Variants in FHIT observed in about 807,000 individuals in gnomAD.
FHIT encodes fragile histidine triad diadenosine triphosphatase.
A neutral mutation model predicts 17.9 loss-of-function variants in FHIT; 19 were observed. That is an observed-to-expected ratio of 1.06 (90% CI 0.74 to 1.56). The LOEUF (loss-of-function observed/expected upper bound fraction) is 1.56, where lower values mean the gene tolerates loss of function less well. Ranked by LOEUF, FHIT falls within the 40% of genes most tolerant of loss-of-function variation. FHIT has a pLI of 0.00. For missense variants in FHIT, 248 were observed against 189.2 expected (o/e 1.31, Z -1.82); for synonymous variants, 81 against 69.7 (o/e 1.16, Z -0.81).
intron 5 of FHIT, among the ~76,000 whole-genome samples, chr3:60,050,415 A>T (rs1178959496): frequency 1.3e-5 from 2 of 152,176 alleles, no homozygotes; most frequent in Non-Finnish European, 2.9e-5. Flanking sequence ...TTGGATCTTC[A>T]GTCCATCATG....
At chr3:60,028,103 G>A (rs1377619296) in intron 5 of FHIT, among the ~76,000 whole-genome samples, 1 of 152,122 alleles carries the variant, frequency 6.6e-6, no homozygotes, top group Non-Finnish European at 1.5e-5. Flanking sequence ...AAGGAGTGGT[G>A]GAACTGGCAC....
chr3:59,929,015 A>T (rs566685225), intron 7 of FHIT, among the ~76,000 whole-genome samples: 22 of 150,962 alleles, frequency 1.5e-4, no homozygotes, highest in Admixed American at 1.2e-3. Flanking sequence ...AAAAAAAAAA[A>T]AAAAAGGACA....
chr3:59,917,674 G>T (rs527330392), intron 8 of FHIT, among the ~76,000 whole-genome samples: 2 of 152,200 alleles, frequency 1.3e-5, no homozygotes, highest in Non-Finnish European at 2.9e-5. Flanking sequence ...AGCTTCAGCA[G>T]ACAATCTGCT....
chr3:59,752,708 T>A (rs1279046875), intron 8 of FHIT, among the ~76,000 whole-genome samples: 1 of 152,058 alleles, frequency 6.6e-6, no homozygotes, highest in Non-Finnish European at 1.5e-5. Flanking sequence ...GGGGACCTTA[T>A]TGTTTAAAAG....
chr3:59,988,323 C>G (rs1021507451), intron 7 of FHIT, among the ~76,000 whole-genome samples: 11 of 152,116 alleles, frequency 7.2e-5, no homozygotes, highest in African/African-American at 2.7e-4. Flanking sequence ...TCTCGCATCT[C>G]TCTTTGATAT....
chr3:60,257,211 T>C (rs959636914), intron 5 of FHIT, among the ~76,000 whole-genome samples: 1 of 152,186 alleles, frequency 6.6e-6, no homozygotes, highest in African/African-American at 2.4e-5. Context: ...TCTGTATCTG[T>C]CTGAGAGTTA....
At chr3:60,211,873 G>C (rs1034262276) in intron 5 of FHIT, among the ~76,000 whole-genome samples, 11 of 152,102 alleles carry the variant, frequency 7.2e-5, no homozygotes, top group Non-Finnish European at 1.5e-4. Flanking sequence ...TTATTGTCAT[G>C]ACATCTTTTT....
At chr3:60,347,259 G>A (rs959651046) in intron 5 of FHIT, among the ~76,000 whole-genome samples, 2 of 151,892 alleles carry the variant, frequency 1.3e-5, no homozygotes, top group African/African-American at 4.8e-5. Context: ...CTCATTAGCA[G>A]TCCAACCACA....
chr3:60,190,257 A>T (rs1702342935), intron 5 of FHIT, among the ~76,000 whole-genome samples: 1 of 152,112 alleles, frequency 6.6e-6, no homozygotes, highest in Non-Finnish European at 1.5e-5. Context: ...TTTGCTTCAT[A>T]ACAGTCAGAA....
chr3:61,071,326 T>C (rs1281335124), intron 2 of FHIT, among the ~76,000 whole-genome samples: 1 of 152,252 alleles, frequency 6.6e-6, no homozygotes, highest in Non-Finnish European at 1.5e-5. Flanking sequence ...CATACTTGGA[T>C]TGCAATCTGG....
chr3:59,953,568 C>T (rs773111512), intron 7 of FHIT, among the ~76,000 whole-genome samples: 1 of 152,132 alleles, frequency 6.6e-6, no homozygotes, highest in Non-Finnish European at 1.5e-5. Flanking sequence ...CGTTTTTCCC[C>T]AACAAAACTC....
intron 1 of FHIT, among the ~76,000 whole-genome samples, chr3:61,209,575 T>C (rs867736864): frequency 3.9e-5 from 6 of 152,032 alleles, no homozygotes; most frequent in African/African-American, 1.4e-4. Flanking sequence ...TCTTCCATCA[T>C]TGATACCCTT....
Position 60,311,181 on chromosome 3 carries a change from A to C in FHIT, c.103+225679T>G, listed in dbSNP as rs115629496. Among the ~76,000 whole-genome samples the C allele has an allele frequency of 4.7e-3, 707 of 151,956 alleles. 2 individuals are homozygous for C. Among genetic ancestry groups the C allele is most frequent in the Non-Finnish European group, 7.8e-3 (530 of 67,978 alleles). ...AACTCTTAAGTCTCCTTTAACCTCA[A>C]ACATTACTTTGTCTTTCTGTTTTCT... is the stretch of plus-strand genomic sequence containing the variant. On this transcript the variant is annotated intron_variant, in intron 5 of 9. Coordinates refer to ENST00000492590, the MANE Select transcript of FHIT (RefSeq NM_002012.4).
chr3:59,855,908 G>C (rs1702135820), intron 8 of FHIT, among the ~76,000 whole-genome samples: 1 of 150,818 alleles, frequency 6.6e-6, no homozygotes, highest in South Asian at 2.1e-4. Flanking sequence ...AGCCTCCCAA[G>C]TAGCTGGGAC....
chr3:61,108,722 G>A (rs1428081542), intron 2 of FHIT, among the ~76,000 whole-genome samples: 3 of 152,160 alleles, frequency 2.0e-5, no homozygotes, highest in African/African-American at 7.2e-5. Context: ...TCCTCTATTT[G>A]CTATTGCCAA....
At chr3:60,460,314 G>C (rs1022441536) in intron 5 of FHIT, among the ~76,000 whole-genome samples, 3 of 151,970 alleles carry the variant, frequency 2.0e-5, no homozygotes, top group Non-Finnish European at 1.5e-5. Flanking sequence ...GGTTTATAAG[G>C]AAAGAAGTTC....
intron 5 of FHIT, among the ~76,000 whole-genome samples, chr3:60,518,637 A>G (rs1351019033): frequency 1.3e-5 from 2 of 152,228 alleles, no homozygotes; most frequent in Non-Finnish European, 2.9e-5. Context: ...TTTGTTACAC[A>G]TATGTCGAAA....
intron 5 of FHIT, among the ~76,000 whole-genome samples, chr3:60,200,165 C>G (rs1702832216): frequency 6.6e-6 from 1 of 152,080 alleles, no homozygotes; most frequent in Non-Finnish European, 1.5e-5. Flanking sequence ...ATCCAGAGGA[C>G]AGTACTGGGT....
intron 3 of FHIT, among the ~76,000 whole-genome samples, chr3:60,938,986 G>A (rs1404131028): frequency 1.3e-5 from 2 of 152,134 alleles, no homozygotes; most frequent in African/African-American, 4.8e-5. Context: ...AAAACTATAG[G>A]TGGATAATCT....
Sources: allele counts gnomAD v4.1 joint callset (sites outside exome capture counted in the v4.1 genomes callset), GRCh38; gene constraint gnomAD v4.1.1; transcripts MANE v1.5; gene names NCBI Gene and HGNC (gene_info 2026-07-23, HGNC 2026-07-21).